SMCO1: variants seen among roughly 807,000 people sequenced by gnomAD.
SMCO1 encodes the protein single-pass membrane protein with coiled-coil domains 1, also known as single-pass membrane and coiled-coil domain-containing protein 1.
Under a neutral mutation model 7.5 loss-of-function variants are expected in SMCO1, and 9 were observed. The ratio of observed to expected loss-of-function variants is 1.20; its 90% CI spans 0.72 to 2.09. The LOEUF is 2.09. Ranked by LOEUF, SMCO1 falls within the 30% of genes most tolerant of loss-of-function variation. The probability of loss-of-function intolerance (pLI) is 0.00; values close to 1 mark genes in which losing one functional copy is unlikely to be tolerated. For missense variants in SMCO1, 219 were observed against 253.1 expected, an observed-to-expected ratio of 0.87 and a Z score of 0.91; for synonymous variants, 90 against 93.8, an observed-to-expected ratio of 0.96 and a Z score of 0.23.
At position 196,509,398 on chromosome 3, in the gene SMCO1, A is replaced by G. The variant is rs1045983220; in HGVS notation, c.200+122T>C. 3.4e-6 allele frequency: 3 copies of G among 878,498 alleles called. No homozygotes were observed. The Admixed American group carries it at 8.8e-5, about 26-fold the overall frequency. The allele number at this position is 878,498 out of a possible 1,614,324, so 54.4% of individuals were successfully genotyped here. ...TTTTTTTAAAAAAATAAATGAACCT[A>G]AGAAAATGTAATTGCTTTACAATCC... is the stretch of plus-strand genomic sequence containing the variant. On this transcript the variant is annotated intron_variant, in intron 2 of 2. Coordinates refer to ENST00000397537, the MANE Select transcript of SMCO1 (RefSeq NM_001077657.3).
At chr3:196,516,229 T>G (rs1455380611), upstream of SMCO1, among the ~76,000 whole-genome samples, 2 of 151,242 alleles carry the variant, frequency 1.3e-5, no homozygotes, top group Admixed American at 6.6e-5. Flanking sequence ...ATAGAAAATG[T>G]ATATGGGATG....
intron 1 of SMCO1, among the ~76,000 whole-genome samples, chr3:196,512,365 C>T (rs770121787): frequency 2.6e-5 from 4 of 152,150 alleles, no homozygotes; most frequent in Admixed American, 1.3e-4. Flanking sequence ...TCTGAGCTTC[C>T]GTATCTCCAG....
intron 1 of SMCO1, among the ~76,000 whole-genome samples, chr3:196,510,601 G>A (rs144601039): frequency 0.011 from 1,681 of 152,112 alleles, 11 homozygotes; most frequent in South Asian, 0.03. Flanking sequence ...TTTTCTACCC[G>A]ATTCTAATTG....
chr3:196,509,749 A>T, intron 1 of SMCO1, 80 bp from the exon 2 acceptor site: 1 of 1,235,124 alleles, frequency 8.1e-7, no homozygotes, highest in South Asian at 1.9e-5. Context: ...GCTCTAATAC[A>T]TTATTTACAA....
rs1464322548 is a variant in SMCO1 at position 196,509,500 on chromosome 3, A to T, written c.200+20T>A. 6.3e-7 allele frequency: 1 copy of T among 1,590,364 alleles called. No homozygotes were observed. Among genetic ancestry groups the T allele is most frequent in the East Asian group, 2.3e-5 (1 of 44,398 alleles). On this transcript the variant is annotated intron_variant, in intron 2 of 2. Coordinates refer to ENST00000397537, the MANE Select transcript of SMCO1 (RefSeq NM_001077657.3). ...CTCACAAAGCCACAGAATCCCACTG[A>T]TTTCTCAATTGATACTCACTGGAGT...
At chr3:196,518,941 C>T (rs1733443435), upstream of SMCO1, among the ~76,000 whole-genome samples, 1 of 152,156 alleles carries the variant, frequency 6.6e-6, no homozygotes, top group Admixed American at 6.5e-5. Flanking sequence ...ACAAGGAAAC[C>T]TAACCATCCC....
intron 1 of SMCO1, among the ~76,000 whole-genome samples, chr3:196,510,009 G>A (rs1274157453): frequency 6.6e-6 from 1 of 152,038 alleles, no homozygotes; most frequent in Non-Finnish European, 1.5e-5. Context: ...CTAATACAGA[G>A]TCTCACTCTG....
chr3:196,511,427 CCTTAT>C (rs1377076436), intron 1 of SMCO1, among the ~76,000 whole-genome samples: 1,139 of 112,460 alleles, frequency 0.01, 362 homozygotes, highest in Non-Finnish European at 0.014. Flanking sequence ...CCTAGATTGT[CCTTAT>C]GAGGGAAACC....
upstream of SMCO1, among the ~76,000 whole-genome samples, chr3:196,520,018 CTTCTCT>C (rs1733465538): frequency 6.6e-6 from 1 of 152,206 alleles, no homozygotes. Flanking sequence ...CTTTTTCTCA[CTTCTCT>C]TTCTAGATGG....
chr3:196,512,090 T>G (rs1734182479), intron 1 of SMCO1, among the ~76,000 whole-genome samples: 1 of 151,952 alleles, frequency 6.6e-6, no homozygotes, highest in Admixed American at 6.6e-5. Flanking sequence ...CCACCTAGAT[T>G]GTCGTTATGA....
upstream of SMCO1, among the ~76,000 whole-genome samples, chr3:196,517,702 C>T (rs371776723): frequency 4.6e-5 from 7 of 152,108 alleles, no homozygotes; most frequent in East Asian, 9.6e-4. Context: ...TGGACTCTCA[C>T]TCTGTTGCCC....
chr3:196,520,757 T>C, the SMCO1 span, among the ~76,000 whole-genome samples: 2 of 152,034 alleles, frequency 1.3e-5, no homozygotes, highest in Non-Finnish European at 2.9e-5. Context: ...CAGAAAAATA[T>C]GGAGATGTGT....
upstream of SMCO1, among the ~76,000 whole-genome samples, chr3:196,518,485 T>C (rs556977711): frequency 6.6e-6 from 1 of 152,292 alleles, no homozygotes; most frequent in African/African-American, 2.4e-5. Flanking sequence ...CAGCTAGTTT[T>C]TGTATTTTTA....
At chr3:196,508,489 A>G (rs1733118323) in intron 2 of SMCO1, among the ~76,000 whole-genome samples, 158 bp from the exon 3 acceptor site, 1 of 152,082 alleles carries the variant, frequency 6.6e-6, no homozygotes, top group African/African-American at 2.4e-5. Flanking sequence ...AAATTCAAAT[A>G]CTTACATTTT....
At position 196,507,750 on chromosome 3, in the gene SMCO1, G is replaced by T; in HGVS notation, c.*137C>A. On this transcript the variant is annotated 3_prime_UTR_variant, in exon 3 of 3. Coordinates refer to ENST00000397537, the MANE Select transcript of SMCO1 (RefSeq NM_001077657.3). ...TATGGCTGCAAAGAAAGTATCTATT[G>T]TATCAATTTGTCATAATTTATTTAA... 1 of 613,208 alleles carries T rather than the reference G, an allele frequency of 1.6e-6. No homozygotes were observed. Among genetic ancestry groups the T allele is most frequent in the Non-Finnish European group, 2.9e-6 (1 of 347,434 alleles). 38.0% of individuals were successfully genotyped at this position (613,208 alleles called of 1,614,324 possible). A position where few individuals can be genotyped will look rare whatever the true frequency, so the allele number is the denominator to read the frequency against.
At position 196,509,526 on chromosome 3, in the gene SMCO1, G is replaced by T; in HGVS notation, c.194C>A (p.Ala65Glu). ...TTTCTCAATTGATACTCACTGGAGT[G>T]CCCGAACTGCTGTCCACATCTCATC... The part of the protein sequence containing the change: ...AQDEMWTAVR[A>E]LQLTSMELNI... Residue 65 changes from alanine to glutamate, a missense_variant, in exon 2 of 3, where the codon GCA becomes GAA. Transcript: ENST00000397537. 1 of 1,612,948 alleles carries T rather than the reference G, an allele frequency of 6.2e-7. No individual in the cohort carries two copies. Among genetic ancestry groups the T allele is most frequent in the Non-Finnish European group, 8.5e-7 (1 of 1,179,176 alleles).
In SMCO1 at chr3:196,507,917, G is replaced by A. The variant is rs781291320; in HGVS notation, c.615C>T (p.Leu205=). Residue 205 remains leucine, a synonymous_variant, in exon 3 of 3, where the codon CTC becomes CTT. Transcript: ENST00000397537. The part of the protein sequence containing the change: ...VRTPEKQKSS[L]EELIPSVKN ...TTTTGACAGATGGTATCAACTCTTC[G>A]AGGGATGACTTTTGCTTTTCAGGGG... The A allele has an allele frequency of 2.2e-5, 36 of 1,613,082 alleles. No individual in the cohort carries two copies. The highest frequency in any genetic ancestry group is 8.0e-5 in the African/African-American group (6 of 74,852).
At chr3:196,512,162 A>G (rs193255665) in intron 1 of SMCO1, among the ~76,000 whole-genome samples, 219 of 151,276 alleles carry the variant, frequency 1.4e-3, no homozygotes, top group Admixed American at 3.1e-3. Context: ...AGCCATGTAG[A>G]TTGTGGTTAT....
rs757453994 is a variant in SMCO1 at position 196,508,092 on chromosome 3, C to T, written c.440G>A (p.Gly147Asp). 4 of 1,614,156 alleles carry T rather than the reference C, an allele frequency of 2.5e-6. No homozygotes were observed. The East Asian group carries it at 8.9e-5, about 36-fold the overall frequency. The change falls in exon 3 of 3, where the codon GGT becomes GAT. Residue 147 changes from glycine to aspartate, a missense_variant. Transcript: ENST00000397537. ...TALCTFFIAR[G>D]NKAEHYTAKV... is the part of the protein sequence containing the mutation. Reference sequence around the variant, plus strand: ...AGCAGTATAGTGTTCTGCCTTGTTACCACGTGCAATAAAGAAGGTACAAAG... The same window carrying T: ...AGCAGTATAGTGTTCTGCCTTGTTATCACGTGCAATAAAGAAGGTACAAAG...
Sources: allele counts gnomAD v4.1 joint callset (sites outside exome capture counted in the v4.1 genomes callset), GRCh38; gene constraint gnomAD v4.1.1; transcripts MANE v1.5; gene names NCBI Gene and HGNC (gene_info 2026-07-23, HGNC 2026-07-21).